The following SLC47A1 variants were observed in gnomAD, a reference collection of about 807,000 sequenced individuals.
SLC47A1 encodes the protein solute carrier family 47 member 1, also known as multidrug and toxin extrusion protein 1.
SLC47A1 carries 58 observed loss-of-function variants against 65.8 expected under a neutral mutation model. The observed-to-expected ratio is 0.88, with a 90% confidence interval of 0.71 to 1.10. The LOEUF is 1.10. SLC47A1 is among the 50% of genes least tolerant of loss of function. The probability of loss-of-function intolerance (pLI) is 0.00; values close to 1 mark genes in which losing one functional copy is unlikely to be tolerated. For missense variants in SLC47A1, 706 were observed against 719.2 expected, an observed-to-expected ratio of 0.98 and a Z score of 0.21; for synonymous variants, 285 against 295.0, an observed-to-expected ratio of 0.97 and a Z score of 0.35.
intron 3 of SLC47A1, among the ~76,000 whole-genome samples, chr17:19,547,681 A>T (rs568723145): frequency 2.0e-5 from 3 of 149,090 alleles, no homozygotes; most frequent in African/African-American, 7.4e-5. Flanking sequence ...TCTCCTACCT[A>T]AACACTGGGG....
At chr17:19,538,574 C>G (rs1916057857) in intron 1 of SLC47A1, among the ~76,000 whole-genome samples, 1 of 152,256 alleles carries the variant, frequency 6.6e-6, no homozygotes, top group Non-Finnish European at 1.5e-5. Context: ...GTGTCTAACT[C>G]ACACCTGTTC....
Position 19,577,392 on chromosome 17 carries a change from G to A in SLC47A1, c.1552G>A (p.Asp518Asn). The change falls in exon 17 of 17, where the codon GAT (aspartate) becomes AAT (asparagine). Residue 518 changes from aspartate (D) to asparagine (N), a missense_variant. Transcript: ENST00000270570. ...DVGKTGEPQSDQQMRQEEPLP... is the reference protein window; with the variant it reads ...DVGKTGEPQSNQQMRQEEPLP... Reference sequence around the variant, plus strand: ...TGGAAAGACAGGCGAGCCTCAGTCAGATCAGCAGATGCGCCAAGAAGAACC... The same window carrying A: ...TGGAAAGACAGGCGAGCCTCAGTCAAATCAGCAGATGCGCCAAGAAGAACC... 1.2e-6 allele frequency: 2 copies of A among 1,614,228 alleles called. No individual in the cohort carries two copies. The highest frequency in any genetic ancestry group is 1.7e-5 in the Admixed American group (1 of 60,024).
At chr17:19,570,127 C>A (rs769304399) in intron 14 of SLC47A1, among the ~76,000 whole-genome samples, 7 of 152,062 alleles carry the variant, frequency 4.6e-5, no homozygotes, top group Non-Finnish European at 1.0e-4. Context: ...AGCAAACAAA[C>A]AAACAAAAGG....
chr17:19,574,178 C>A (rs571403944), intron 16 of SLC47A1, among the ~76,000 whole-genome samples: 157 of 152,136 alleles, frequency 1.0e-3, no homozygotes, highest in African/African-American at 3.6e-3. Context: ...CCTCCTCGGC[C>A]CCCCAAAGTG....
chr17:19,534,303 G>A (rs1567963915), intron 1 of SLC47A1: 2 of 503,926 alleles, frequency 4.0e-6, no homozygotes, highest in Non-Finnish European at 3.3e-6. Flanking sequence ...GGCACTGCGG[G>A]AACGGCTGGT....
At chr17:19,553,822 G>A (rs1002180579) in intron 6 of SLC47A1, among the ~76,000 whole-genome samples, 2 of 152,150 alleles carry the variant, frequency 1.3e-5, no homozygotes, top group African/African-American at 2.4e-5. Flanking sequence ...GATTACAGGC[G>A]TGACCCACCG....
At chr17:19,554,185 T>C (rs999681070) in intron 6 of SLC47A1, among the ~76,000 whole-genome samples, 3 of 152,112 alleles carry the variant, frequency 2.0e-5, no homozygotes, top group Admixed American at 6.5e-5. Context: ...TCAGGTGACA[T>C]TTAAGCGAAA....
intron 14 of SLC47A1, among the ~76,000 whole-genome samples, chr17:19,568,832 A>G (rs1374229739): frequency 2.0e-5 from 3 of 151,950 alleles, no homozygotes; most frequent in Admixed American, 2.0e-4. Context: ...CCTGCTAACC[A>G]TCATTCTACT....
intron 1 of SLC47A1, chr17:19,534,820 A>G (rs1407839066): frequency 6.6e-6 from 1 of 152,212 alleles, no homozygotes; most frequent in Non-Finnish European, 1.5e-5. Flanking sequence ...TCTCCTAAAA[A>G]TAATGTGGTT....
chr17:19,546,544 T>C, intron 3 of SLC47A1, 41 bp downstream of exon 3: 1 of 1,595,090 alleles, frequency 6.3e-7, no homozygotes, highest in Admixed American at 1.7e-5. Flanking sequence ...ACCTCAAACA[T>C]CTTTTCTCAA....
At chr17:19,546,563 G>A (rs2152313132) in intron 3 of SLC47A1, 60 bp downstream of exon 3, 1 of 1,518,064 alleles carries the variant, frequency 6.6e-7, no homozygotes, top group Middle Eastern at 1.8e-4. Flanking sequence ...AAGTGTAGAT[G>A]GAAGAGCTCC....
At chr17:19,576,879 C>G (rs1224377628) in intron 16 of SLC47A1, among the ~76,000 whole-genome samples, 1 of 152,138 alleles carries the variant, frequency 6.6e-6, no homozygotes. Context: ...TCCTGAGTAG[C>G]TGGGATTACA....
At chr17:19,549,473 C>T (rs993266323) in intron 4 of SLC47A1, among the ~76,000 whole-genome samples, 162 bp from the exon 5 acceptor site, 1 of 151,688 alleles carries the variant, frequency 6.6e-6, no homozygotes, top group East Asian at 2.0e-4. Flanking sequence ...GGATTACAGG[C>T]GTGAGCCACC....
Position 19,533,945 on chromosome 17 carries a change from A to G in SLC47A1, c.6A>G (p.Glu2=), listed in dbSNP as rs2152311164. M[E]APEEPAPVRG... ...GGCCGCAGCGCGCGAGTCACATGGA[A>G]GCTCCTGAGGAGCCCGCGCCAGTGC... Residue 2 remains glutamate, a synonymous_variant, in exon 1 of 17, where the codon GAA becomes GAG. Transcript: ENST00000270570. 1 of 1,508,926 alleles carries G rather than the reference A, an allele frequency of 6.6e-7. No individual in the cohort carries two copies. The highest frequency in any genetic ancestry group is 1.4e-5 in the African/African-American group (1 of 69,872). The allele number at this position is 1,508,926 out of a possible 1,614,324, so 93.5% of individuals were successfully genotyped here.
In SLC47A1 at chr17:19,578,314, T is replaced by C; in HGVS notation, c.*761T>C. ...TCAACCTCCTGGGCTCAAGTGATCC[T>C]CCCACCTCAGCCTCCTGAGTAGCTG... is the stretch of plus-strand genomic sequence containing the variant. On this transcript the variant is annotated 3_prime_UTR_variant, in exon 17 of 17. Transcript: ENST00000270570. 3.7e-6 allele frequency: 1 copy of C among 269,928 alleles called. No individual in the cohort carries two copies. The highest frequency in any genetic ancestry group is 7.4e-6 in the Non-Finnish European group (1 of 135,534). 16.7% of individuals were successfully genotyped at this position (269,928 alleles called of 1,614,324 possible).
intron 1 of SLC47A1, chr17:19,534,408 G>A (rs1175037171): frequency 3.9e-6 from 1 of 257,724 alleles, no homozygotes; most frequent in East Asian, 7.0e-5. Context: ...CCCTAACGGG[G>A]CTCTACCAGG....
chr17:19,550,819 C>CT (rs1916427360), intron 5 of SLC47A1, among the ~76,000 whole-genome samples: 2 of 152,210 alleles, frequency 1.3e-5, no homozygotes, highest in African/African-American at 4.8e-5. Context: ...CGGCCACCCT[C>CT]TGCAGGTTGT....
rs151107345 is a variant in SLC47A1, at chr17:19,547,893, G to A, written c.307-92G>A. The A allele has an allele frequency of 7.0e-4, 1,000 of 1,425,280 alleles. 6 individuals carry two copies. In the African/African-American group the frequency reaches 0.012, roughly 17 times the overall value. 88.3% of individuals were successfully genotyped at this position (1,425,280 alleles called of 1,614,324 possible). A position where few individuals can be genotyped will look rare whatever the true frequency, so the allele number is the denominator to read the frequency against. ...GTGAGCCACCTTATCCAGCCAACCT[G>A]CTTCTTTGTGTGGCACAATTGAAGG... is the stretch of plus-strand genomic sequence containing the variant. On this transcript the variant is annotated intron_variant, in intron 3 of 16. Coordinates refer to ENST00000270570, the MANE Select transcript of SLC47A1 (RefSeq NM_018242.3).
intron 12 of SLC47A1, among the ~76,000 whole-genome samples, chr17:19,560,910 G>T (rs1476413812): frequency 6.6e-6 from 1 of 150,788 alleles, no homozygotes; most frequent in Non-Finnish European, 1.5e-5. Context: ...GAAAGAAATG[G>T]TTCCTCCAAG....
Sources: gnomAD v4.1 joint callset for allele counts (sites outside exome capture counted in the v4.1 genomes callset) on GRCh38, gnomAD v4.1.1 for gene constraint, MANE v1.5 for transcripts, NCBI Gene and HGNC (gene_info 2026-07-23, HGNC 2026-07-21) for gene names.